The following MXRA7 variants were observed in gnomAD, a reference collection of about 807,000 sequenced individuals.
MXRA7 encodes the protein matrix remodeling associated 7.
A neutral mutation model predicts 17.4 loss-of-function variants in MXRA7; 18 were observed. The ratio of observed to expected loss-of-function variants is 1.03; its 90% CI spans 0.71 to 1.53. The LOEUF (loss-of-function observed/expected upper bound fraction) is 1.53. Ranked by LOEUF, MXRA7 falls within the 40% of genes most tolerant of loss-of-function variation. The pLI, the probability that MXRA7 is intolerant of heterozygous loss-of-function variation, is 0.00. For synonymous variants in MXRA7, 70 were observed against 101.7 expected, an observed-to-expected ratio of 0.69 and a Z score of 1.87; for missense variants, 141 against 209.3, an observed-to-expected ratio of 0.67 and a Z score of 2.01.
At position 76,680,538 on chromosome 17, in the gene MXRA7, T is replaced by G; in HGVS notation, c.*329A>C. 9.1e-7 allele frequency: 1 copy of G among 1,103,026 alleles called. No individual in the cohort carries two copies. The highest frequency in any genetic ancestry group is 1.1e-6 in the Non-Finnish European group (1 of 905,418). The allele number at this position is 1,103,026 out of a possible 1,614,324, so 68.3% of individuals were successfully genotyped here. On this transcript the variant is annotated 3_prime_UTR_variant, in exon 4 of 4. Coordinates refer to ENST00000449428, the MANE Select transcript of MXRA7 (RefSeq NM_198530.4). ...TTTAAAATGTTCTTTTTATCTAAGG[T>G]GTGCAGGGTGTGTGGATAGCAAGTT...
At chr17:76,672,854 A>G (rs1320569200) in exon 4 of MXRA7, 2 of 152,130 alleles carry the variant, frequency 1.3e-5, no homozygotes, top group Non-Finnish European at 2.9e-5. Context: ...ATCCGGTGGA[A>G]GCCCTAGAGG....
intron 1 of MXRA7, among the ~76,000 whole-genome samples, chr17:76,702,372 G>A (rs987829622): frequency 6.6e-6 from 1 of 152,188 alleles, no homozygotes; most frequent in Admixed American, 6.5e-5. Context: ...GCTGGCTGTG[G>A]TGGTGTGCAC....
intron 1 of MXRA7, 58 bp from the exon 2 acceptor site, chr17:76,688,234 G>A: frequency 6.2e-7 from 1 of 1,606,770 alleles, no homozygotes; most frequent in Non-Finnish European, 8.5e-7. Flanking sequence ...GGGAAGTGGT[G>A]GGGGGGCAGA....
At chr17:76,674,092 G>C (rs922144143) in exon 4 of MXRA7, 2 of 152,320 alleles carry the variant, frequency 1.3e-5, no homozygotes, top group African/African-American at 4.8e-5. Context: ...GCTGGAAAGA[G>C]GCTCTGTGCA....
chr17:76,672,680 C>A (rs1598326179), exon 4 of MXRA7: 1 of 146,518 alleles, frequency 6.8e-6, no homozygotes, highest in South Asian at 2.2e-4. Context: ...GGTACTACAG[C>A]CCAGCTGACT....
chr17:76,690,341 T>TG (rs1309318905), intron 1 of MXRA7: 1 of 152,244 alleles, frequency 6.6e-6, no homozygotes, highest in East Asian at 1.9e-4. Flanking sequence ...TAAATGCTAA[T>TG]GGTGTCTTTG....
intron 2 of MXRA7, among the ~76,000 whole-genome samples, chr17:76,686,190 A>G (rs1461427482): frequency 1.3e-5 from 2 of 152,180 alleles, no homozygotes; most frequent in Admixed American, 6.5e-5. Context: ...TCAGAACCCA[A>G]ACATCTGGTT....
At chr17:76,672,642 T>G (rs919619657) in exon 4 of MXRA7, 1 of 151,700 alleles carries the variant, frequency 6.6e-6, no homozygotes, top group African/African-American at 2.4e-5. Context: ...AGAGGGGGAG[T>G]GGCTGAGTAA....
chr17:76,677,305 A>AAAG (rs1387619748), downstream of MXRA7: 8 of 292,326 alleles, frequency 2.7e-5, no homozygotes, highest in Admixed American at 4.8e-5. Context: ...CAAACAAAAA[A>AAAG]AGATTTGGAT....
intron 1 of MXRA7, among the ~76,000 whole-genome samples, chr17:76,694,588 T>C (rs1205301282): frequency 1.3e-5 from 2 of 152,130 alleles, no homozygotes; most frequent in Non-Finnish European, 2.9e-5. Flanking sequence ...ATTCCAATTA[T>C]TATTATTGTT....
At chr17:76,697,027 G>T (rs888403546) in intron 1 of MXRA7, among the ~76,000 whole-genome samples, 2 of 152,162 alleles carry the variant, frequency 1.3e-5, no homozygotes, top group Non-Finnish European at 2.9e-5. Flanking sequence ...GGAGTGTTCA[G>T]GCTACTCGGC....
chr17:76,676,641 T>A (rs2076243397), downstream of MXRA7: 1 of 152,128 alleles, frequency 6.6e-6, no homozygotes, highest in Non-Finnish European at 1.5e-5. Context: ...TGCATGCCTG[T>A]AATCCCAGCT....
chr17:76,710,294 G>A (rs1409468031), intron 1 of MXRA7, among the ~76,000 whole-genome samples: 2 of 152,230 alleles, frequency 1.3e-5, no homozygotes, highest in African/African-American at 4.8e-5. Context: ...CCCTGGTCCC[G>A]AGGCCTGGGA....
chr17:76,677,799 C>G (rs2076253386), downstream of MXRA7: 1 of 789,074 alleles, frequency 1.3e-6, no homozygotes, highest in Non-Finnish European at 2.2e-6. Flanking sequence ...ACTCTCCTCT[C>G]TCTTGTGTGA....
chr17:76,674,244 C>T (rs2076223003), exon 4 of MXRA7: 1 of 152,140 alleles, frequency 6.6e-6, no homozygotes, highest in African/African-American at 2.4e-5. Context: ...GCCAGGTAGA[C>T]ATCTTTCTCT....
chr17:76,677,332 A>T (rs959560104), downstream of MXRA7: 1 of 400,568 alleles, frequency 2.5e-6, no homozygotes, highest in African/African-American at 2.0e-5. Context: ...AGGGCCTCAG[A>T]GCCCAATAAC....
Position 76,710,675 on chromosome 17 carries a change from T to TC in MXRA7, c.271dup (p.Glu91GlyfsTer33). The TC allele has an allele frequency of 1.6e-6, 2 of 1,287,970 alleles. No individual in the cohort carries two copies. Among genetic ancestry groups the TC allele is most frequent in the South Asian group, 2.0e-5 (1 of 49,000 alleles). 79.8% of individuals were successfully genotyped at this position (1,287,970 alleles called of 1,614,324 possible). On this transcript the variant is annotated frameshift_variant, in exon 1 of 4. Coordinates refer to ENST00000449428, the MANE Select transcript of MXRA7 (RefSeq NM_198530.4). LOFTEE classifies it high-confidence loss of function. Reference sequence around the variant, plus strand: ...CGCGGGATCCCCTGGCCCTTCGGGCTCCCCCGGTCCCGCAGGCTCCCCGAG... The same window carrying TC: ...CGCGGGATCCCCTGGCCCTTCGGGCTCCCCCCGGTCCCGCAGGCTCCCCGAG...
At chr17:76,697,318 C>T (rs960884891) in intron 1 of MXRA7, among the ~76,000 whole-genome samples, 1 of 152,144 alleles carries the variant, frequency 6.6e-6, no homozygotes, top group African/African-American at 2.4e-5. Context: ...TAGGAGGACC[C>T]GAACCTGCGG....
chr17:76,672,833 A>G (rs2076212495), exon 4 of MXRA7: 1 of 152,196 alleles, frequency 6.6e-6, no homozygotes, highest in Admixed American at 6.5e-5. Context: ...TGATAGCGTA[A>G]ATGGTGGAGA....
Sources: allele counts gnomAD v4.1 joint callset (sites outside exome capture counted in the v4.1 genomes callset), GRCh38; gene constraint gnomAD v4.1.1; transcripts MANE v1.5; gene names NCBI Gene and HGNC (gene_info 2026-07-23, HGNC 2026-07-21).